The following GSG1L variants were observed in gnomAD, a reference collection of about 807,000 sequenced individuals.
GSG1L encodes the protein GSG1 like.
Under a neutral mutation model 42.1 loss-of-function variants are expected in GSG1L, and 24 were observed. The ratio of observed to expected loss-of-function variants is 0.57; its 90% CI spans 0.41 to 0.80. GSG1L has a LOEUF of 0.80. Among genes scored for constraint, GSG1L ranks in the 30% least tolerant of loss-of-function variants. GSG1L has a pLI of 0.00. For synonymous variants in GSG1L, 215 were observed against 203.5 expected (o/e 1.06, Z -0.48); for missense variants, 445 against 472.2 (o/e 0.94, Z 0.53).
chr16:28,022,861 G>A (rs1009400049), intron 1 of GSG1L, among the ~76,000 whole-genome samples: 1 of 151,998 alleles, frequency 6.6e-6, no homozygotes, highest in Admixed American at 6.6e-5. Context: ...TAGTAGAGAC[G>A]GGGTTTCACT....
chr16:27,923,741 A>AT (rs72341775), intron 2 of GSG1L, among the ~76,000 whole-genome samples: 41 of 136,674 alleles, frequency 3.0e-4, no homozygotes, highest in Admixed American at 2.5e-3. Context: ...CAAGAAAAAA[A>AT]AAAAAAGGAA....
At chr16:27,833,359 A>G (rs762818589) in intron 4 of GSG1L, among the ~76,000 whole-genome samples, 5 of 152,008 alleles carry the variant, frequency 3.3e-5, no homozygotes, top group Admixed American at 2.6e-4. Flanking sequence ...CTATGTGCCT[A>G]TCCTTCCACT....
intron 3 of GSG1L, among the ~76,000 whole-genome samples, chr16:27,849,197 C>CCCCCAAA (rs749482143): frequency 8.8e-6 from 1 of 113,628 alleles, no homozygotes. Context: ...GCCTCTATCC[C>CCCCCAAA]AAAAAGAAAA....
chr16:27,928,406 G>A (rs561059569), intron 2 of GSG1L, among the ~76,000 whole-genome samples: 32 of 152,298 alleles, frequency 2.1e-4, no homozygotes, highest in East Asian at 7.7e-4. Context: ...GCCTCTGAGC[G>A]ACACTCCTGT....
chr16:27,990,524 T>G (rs902839238), intron 1 of GSG1L, among the ~76,000 whole-genome samples: 1 of 152,148 alleles, frequency 6.6e-6, no homozygotes, highest in South Asian at 2.1e-4. Flanking sequence ...CAATAAAAGG[T>G]CCTCTGGAAA....
In GSG1L at chr16:28,007,842, A is replaced by G. The variant is rs188214801; in HGVS notation, c.350-44639T>C. ...AAATTTGTGTTGTTTTAAGCCACTGAGTTTGTGGTAATCTGAGGACCCTGG... is the reference window on the plus strand; with the variant it reads ...AAATTTGTGTTGTTTTAAGCCACTGGGTTTGTGGTAATCTGAGGACCCTGG... On this transcript the variant is annotated intron_variant, in intron 1 of 6. Coordinates refer to ENST00000447459, the MANE Select transcript of GSG1L (RefSeq NM_001109763.2). Among the ~76,000 whole-genome samples, 5 of 152,176 alleles carry G rather than the reference A, an allele frequency of 3.3e-5. No homozygotes were observed. The East Asian group carries it at 9.7e-4, about 29-fold the overall frequency.
rs1405106218 is a variant in GSG1L at position 27,979,677 on chromosome 16, GAGAA to G, written c.350-16478_350-16475del. ...AAAGAAAGAAAGAGAGAGAGAGAGA[GAGAA>G]AGAAAGAAGGAAGGAAGGAAGGAAG... On this transcript the variant is annotated intron_variant, in intron 1 of 6. Transcript: ENST00000447459. Among the ~76,000 whole-genome samples, 2 of 38,934 alleles carry G rather than the reference GAGAA, an allele frequency of 5.1e-5. 1 individual carries two copies. The highest frequency in any genetic ancestry group is 1.0e-4 in the Non-Finnish European group (2 of 19,730). 25.5% of individuals were successfully genotyped at this position (38,934 alleles called of 152,430 possible). A position where few individuals can be genotyped will look rare whatever the true frequency, so the allele number is the denominator to read the frequency against.
intron 1 of GSG1L, among the ~76,000 whole-genome samples, chr16:28,047,173 G>A (rs2086170985): frequency 6.6e-6 from 1 of 152,128 alleles, no homozygotes; most frequent in African/African-American, 2.4e-5. Context: ...GTTAAGCATG[G>A]AATTAAGTTG....
At position 27,788,404 on chromosome 16, in the gene GSG1L, A is replaced by C. The variant is rs1473734321; in HGVS notation, c.*2966T>G. On this transcript the variant is annotated 3_prime_UTR_variant, in exon 7 of 7. Coordinates refer to ENST00000447459, the MANE Select transcript of GSG1L (RefSeq NM_001109763.2). Reference sequence around the variant, plus strand: ...ACACCCAGGCGCATCCCAGTCTGCTAAAAGCATCTCACTGCCCACTCCCCA... The same window carrying C: ...ACACCCAGGCGCATCCCAGTCTGCTCAAAGCATCTCACTGCCCACTCCCCA... 1 of 152,234 alleles carries C rather than the reference A, an allele frequency of 6.6e-6. No individual in the cohort carries two copies. Among genetic ancestry groups the C allele is most frequent in the Non-Finnish European group, 1.5e-5 (1 of 68,070 alleles). The allele number at this position is 152,234 out of a possible 1,614,324, so 9.4% of individuals were successfully genotyped here.
chr16:27,854,827 G>C (rs74013594), intron 3 of GSG1L, among the ~76,000 whole-genome samples: 1,776 of 152,298 alleles, frequency 0.012, 35 homozygotes, highest in African/African-American at 0.041. Context: ...ATGATGGAGA[G>C]AGGACAAGGA....
At chr16:28,011,822 C>T (rs147244286) in intron 1 of GSG1L, among the ~76,000 whole-genome samples, 3 of 152,154 alleles carry the variant, frequency 2.0e-5, no homozygotes, top group Non-Finnish European at 2.9e-5. Flanking sequence ...GCTTCTATTT[C>T]GCTTAAGCCG....
intron 5 of GSG1L, among the ~76,000 whole-genome samples, chr16:27,821,626 C>T (rs1353957224): frequency 3.3e-5 from 5 of 152,028 alleles, no homozygotes; most frequent in Non-Finnish European, 7.4e-5. Flanking sequence ...TTGGGCCGGG[C>T]GCGGTGGCTC....
At chr16:28,047,008 C>T (rs1318191301) in intron 1 of GSG1L, among the ~76,000 whole-genome samples, 1 of 152,178 alleles carries the variant, frequency 6.6e-6, no homozygotes, top group Non-Finnish European at 1.5e-5. Flanking sequence ...ACCTAGTCAT[C>T]CTCTTCACTG....
At chr16:27,962,729 C>T (rs188362664) in intron 2 of GSG1L, among the ~76,000 whole-genome samples, 1,765 of 152,278 alleles carry the variant, frequency 0.012, 20 homozygotes, top group Non-Finnish European at 0.019. Flanking sequence ...TGGATGGTGG[C>T]ATCCAATCAG....
intron 2 of GSG1L, among the ~76,000 whole-genome samples, chr16:27,914,526 T>C (rs2084428803): frequency 7.0e-6 from 1 of 142,806 alleles, no homozygotes; most frequent in Non-Finnish European, 1.5e-5. Context: ...TTCTTTTCTT[T>C]TCTATTTTTT....
Position 27,925,376 on chromosome 16 carries a change from G to A in GSG1L, c.397+37780C>T, listed in dbSNP as rs1173231000. 2.0e-5 allele frequency among the ~76,000 whole-genome samples: 3 copies of A among 152,190 alleles called. No individual in the cohort carries two copies. The East Asian group carries it at 5.8e-4, about 29-fold the overall frequency. ...GAAGAATGAGTGTCCCCGGAAGGCT[G>A]TGGTGTCAGGTGGTGGGAGGGAGGA... On this transcript the variant is annotated intron_variant, in intron 2 of 6. Transcript: ENST00000447459.
intron 1 of GSG1L, among the ~76,000 whole-genome samples, chr16:28,009,044 A>G (rs918880541): frequency 2.6e-5 from 4 of 152,076 alleles, no homozygotes; most frequent in African/African-American, 7.2e-5. Context: ...CCTGACCTCA[A>G]GTGATCCGCC....
chr16:27,923,766 A>G (rs1164421822), intron 2 of GSG1L, among the ~76,000 whole-genome samples: 1 of 151,528 alleles, frequency 6.6e-6, no homozygotes, highest in Non-Finnish European at 1.5e-5. Context: ...GAAAGAAAGA[A>G]AGAAAGAGAG....
chr16:27,796,025 G>A (rs554288432), intron 6 of GSG1L, among the ~76,000 whole-genome samples: 9 of 152,190 alleles, frequency 5.9e-5, no homozygotes, highest in Non-Finnish European at 1.3e-4. Flanking sequence ...TCGGGAAACT[G>A]AGGCACTTAG....
Sources: gnomAD v4.1 joint callset for allele counts (sites outside exome capture counted in the v4.1 genomes callset) on GRCh38, gnomAD v4.1.1 for gene constraint, MANE v1.5 for transcripts, NCBI Gene and HGNC (gene_info 2026-07-23, HGNC 2026-07-21) for gene names.